Variants in KYNU observed in about 807,000 individuals in gnomAD.
KYNU encodes the protein kynureninase.
A neutral mutation model predicts 59.2 loss-of-function variants in KYNU; 54 were observed. The observed-to-expected ratio is 0.91, with a 90% CI of 0.73 to 1.14. The LOEUF is 1.14. KYNU is among the 50% of genes most tolerant of loss of function. The probability of loss-of-function intolerance (pLI) is 0.00; values close to 1 mark genes in which losing one functional copy is unlikely to be tolerated. For missense variants in KYNU, 567 were observed against 554.4 expected (o/e 1.02, Z -0.23); for synonymous variants, 177 against 192.0 (o/e 0.92, Z 0.65).
intron 1 of KYNU, among the ~76,000 whole-genome samples, chr2:142,881,916 CTTT>C (rs869099302): frequency 3.5e-5 from 4 of 113,168 alleles, no homozygotes; most frequent in Non-Finnish European, 7.0e-5. Context: ...TTTCTTTTTT[CTTT>C]TTTTTTTTTT....
chr2:143,020,491 A>T (rs966429680), intron 10 of KYNU, among the ~76,000 whole-genome samples: 29 of 152,120 alleles, frequency 1.9e-4, no homozygotes, highest in Non-Finnish European at 2.9e-5. Flanking sequence ...ATCAGAAAAG[A>T]TACTTGATAT....
intron 10 of KYNU, among the ~76,000 whole-genome samples, chr2:143,021,646 A>G (rs2105218095): frequency 6.6e-6 from 1 of 152,252 alleles, no homozygotes; most frequent in East Asian, 1.9e-4. Context: ...ACGCTTTTAA[A>G]CGACCAGAAA....
At position 143,046,311 on chromosome 2, in the gene KYNU, G is replaced by C. The variant is rs1166460409; in HGVS notation, c.*4139G>C. On this transcript the variant is annotated 3_prime_UTR_variant, in exon 14 of 14. Coordinates refer to ENST00000264170, the MANE Select transcript of KYNU (RefSeq NM_003937.3). ...ATTATACTGTATATATTCTGCTTTT[G>C]CACATATTTTTAGATTCATCCATTT... 6.6e-6 allele frequency: 1 copy of C among 151,960 alleles called. No individual in the cohort carries two copies. The allele number at this position is 151,960 out of a possible 1,614,324, so 9.4% of individuals were successfully genotyped here. A position where few individuals can be genotyped will look rare whatever the true frequency, so the allele number is the denominator to read the frequency against.
rs1407282400 is a variant in KYNU, at chr2:143,008,132, G to A, written c.903-21495G>A. ...ACTGGCAAATTGGATAAAGAGTCAA[G>A]ACCCATCAGTGTGCTGTATTCAGGA... On this transcript the variant is annotated intron_variant, in intron 10 of 13. Transcript: ENST00000264170. 8.8e-5 allele frequency among the ~76,000 whole-genome samples: 10 copies of A among 113,144 alleles called. 1 individual carries two copies. The highest frequency in any genetic ancestry group is 1.7e-4 in the Non-Finnish European group (10 of 57,534). The allele number at this position is 113,144 out of a possible 152,430, so 74.2% of individuals were successfully genotyped here.
Position 143,051,041 on chromosome 2 carries a change from T to C in KYNU, c.*8869T>C, listed in dbSNP as rs1298560048. ...CTCTATGTTCTCTTCCCACTAATAA[T>C]TTTATTTTTAATTTCAGCAAGATTT... On this transcript the variant is annotated 3_prime_UTR_variant, in exon 14 of 14. Coordinates refer to ENST00000264170, the MANE Select transcript of KYNU (RefSeq NM_003937.3). 6.6e-6 allele frequency: 1 copy of C among 152,198 alleles called. No individual in the cohort carries two copies. Among genetic ancestry groups the C allele is most frequent in the Non-Finnish European group, 1.5e-5 (1 of 68,032 alleles). The allele number at this position is 152,198 out of a possible 1,614,324, so 9.4% of individuals were successfully genotyped here.
chr2:143,037,139 T>C (rs77323578), intron 12 of KYNU, among the ~76,000 whole-genome samples: 2,724 of 152,286 alleles, frequency 0.018, 81 homozygotes, highest in African/African-American at 0.054. Flanking sequence ...ACAATAGTTC[T>C]TAAAATATTG....
Position 142,992,684 on chromosome 2 carries a change from G to T in KYNU, c.902+6663G>T, listed in dbSNP as rs562670137. 4.6e-5 allele frequency among the ~76,000 whole-genome samples: 7 copies of T among 151,858 alleles called. 1 individual carries two copies. In the South Asian group the frequency reaches 1.5e-3, roughly 32 times the overall value. On this transcript the variant is annotated intron_variant, in intron 10 of 13. Transcript: ENST00000264170. ...TCAGAAACTAAATATGGTAAAACTT[G>T]CATTTTATCTCACATAGGTATCTTT...
chr2:142,986,647 G>A (rs2105162120), intron 10 of KYNU, among the ~76,000 whole-genome samples: 1 of 151,632 alleles, frequency 6.6e-6, no homozygotes, highest in East Asian at 1.9e-4. Context: ...ATTTTTATTT[G>A]ACTGGGGAAT....
In KYNU at chr2:142,957,666, T is replaced by C; in HGVS notation, c.533T>C (p.Leu178Pro). The C allele has an allele frequency of 6.2e-7, 1 of 1,607,140 alleles. No homozygotes were observed. The highest frequency in any genetic ancestry group is 8.5e-7 in the Non-Finnish European group (1 of 1,174,024). The change falls in exon 7 of 14, where the codon CTT (leucine) becomes CCT (proline). Residue 178 changes from leucine (L) to proline (P), a missense_variant. Coordinates refer to ENST00000264170, the MANE Select transcript of KYNU (RefSeq NM_003937.3). The stretch of plus-strand genomic sequence containing the variant: ...TATGCTATTGAGTCACAACTACAAC[T>C]TCACGGACTTAACATTGAAGAAAGT... The part of the protein sequence containing the change: ...DHYAIESQLQ[L>P]HGLNIEESMR...
At chr2:143,016,207 A>C (rs895476363) in intron 10 of KYNU, among the ~76,000 whole-genome samples, 3 of 152,226 alleles carry the variant, frequency 2.0e-5, no homozygotes, top group Non-Finnish European at 4.4e-5. Context: ...CTATCATGTA[A>C]AATTTTACAG....
intron 4 of KYNU, chr2:142,947,272 A>G: frequency 6.5e-7 from 1 of 1,533,134 alleles, no homozygotes; most frequent in South Asian, 1.2e-5. Flanking sequence ...TAGGAACCAG[A>G]CAAATTCACT....
At chr2:142,969,076 G>A (rs1257221949) in intron 8 of KYNU, among the ~76,000 whole-genome samples, 34 of 151,938 alleles carry the variant, frequency 2.2e-4, no homozygotes, top group Admixed American at 1.2e-3. Flanking sequence ...AACAGGTTAC[G>A]TATAAGCATC....
At chr2:142,998,458 A>G (rs906551042) in intron 10 of KYNU, among the ~76,000 whole-genome samples, 2 of 152,156 alleles carry the variant, frequency 1.3e-5, no homozygotes, top group Non-Finnish European at 2.9e-5. Context: ...ATTCTGTGCA[A>G]TGTATTTCGT....
At chr2:142,916,423 G>C (rs915597952) in intron 2 of KYNU, among the ~76,000 whole-genome samples, 2 of 152,122 alleles carry the variant, frequency 1.3e-5, no homozygotes, top group Non-Finnish European at 2.9e-5. Context: ...ACAAAAAAGA[G>C]GAATTGCAGC....
chr2:142,933,051 C>T (rs1204774632), intron 4 of KYNU, among the ~76,000 whole-genome samples: 1 of 152,086 alleles, frequency 6.6e-6, no homozygotes, highest in Non-Finnish European at 1.5e-5. Context: ...GAGACTAGTA[C>T]ACTGCAGTGA....
rs1335987934 is a variant in KYNU, at chr2:143,025,913, A to T, written c.903-3714A>T. On this transcript the variant is annotated intron_variant, in intron 10 of 13. Coordinates refer to ENST00000264170, the MANE Select transcript of KYNU (RefSeq NM_003937.3). ...ATGATATTTTTAAGTGATGGATTTT[A>T]AAAAATTAATCATTTGCATAATTAA... Among the ~76,000 whole-genome samples the T allele has an allele frequency of 3.9e-5, 6 of 152,224 alleles. No individual in the cohort carries two copies. The East Asian group carries it at 7.7e-4, about 20-fold the overall frequency.
chr2:142,947,791 G>A (rs351696), intron 4 of KYNU: 83,494 of 152,166 alleles, frequency 0.55, 23,986 homozygotes, highest in African/African-American at 0.7. Flanking sequence ...GGGTAAAACC[G>A]TGGACTTTCT....
chr2:142,941,214 A>G (rs2105050349), intron 4 of KYNU, among the ~76,000 whole-genome samples: 1 of 152,302 alleles, frequency 6.6e-6, no homozygotes, highest in East Asian at 1.9e-4. Context: ...AAGTCACTTT[A>G]TTAGCATCAA....
intron 4 of KYNU, among the ~76,000 whole-genome samples, chr2:142,930,573 C>G (rs1025821456): frequency 1.3e-5 from 2 of 152,184 alleles, no homozygotes; most frequent in African/African-American, 2.4e-5. Context: ...CTCCTGGCTT[C>G]TCCTCTTGGC....
Sources: gnomAD v4.1 joint callset for allele counts (sites outside exome capture counted in the v4.1 genomes callset) on GRCh38, gnomAD v4.1.1 for gene constraint, MANE v1.5 for transcripts, NCBI Gene and HGNC (gene_info 2026-07-23, HGNC 2026-07-21) for gene names.